Variants in CNTN5 observed in about 807,000 individuals in gnomAD.
CNTN5 encodes the protein contactin 5.
A neutral mutation model predicts 129.1 loss-of-function variants in CNTN5; 77 were observed. That is an observed-to-expected ratio of 0.60 (90% CI 0.50 to 0.72). The LOEUF is 0.72. Among genes scored for constraint, CNTN5 ranks in the 30% least tolerant of loss-of-function variants. The probability of loss-of-function intolerance (pLI) is 0.00; values close to 1 mark genes in which losing one functional copy is unlikely to be tolerated. For synonymous variants in CNTN5, 509 were observed against 465.6 expected (o/e 1.09, Z -1.20); for missense variants, 1,478 against 1,328.8 (o/e 1.11, Z -1.75).
intron 15 of CNTN5, among the ~76,000 whole-genome samples, chr11:100,214,415 C>T (rs1209753952): frequency 6.6e-6 from 1 of 152,120 alleles, no homozygotes; most frequent in African/African-American, 2.4e-5. Context: ...TCTGTCTTTA[C>T]AACTCATCTC....
intron 1 of CNTN5, among the ~76,000 whole-genome samples, chr11:99,201,351 T>TTCC (rs59358470): frequency 0.048 from 4,247 of 87,848 alleles, 206 homozygotes; most frequent in Middle Eastern, 0.066. Flanking sequence ...CTTCCTTTCC[T>TTCC]TTCCTTCCTT....
chr11:99,197,898 A>C (rs1290869319), intron 1 of CNTN5, among the ~76,000 whole-genome samples: 1 of 152,160 alleles, frequency 6.6e-6, no homozygotes, highest in Non-Finnish European at 1.5e-5. Flanking sequence ...TTCAGAAATA[A>C]ATGACATAAT....
At chr11:99,549,402 G>A (rs1263433396) in intron 2 of CNTN5, among the ~76,000 whole-genome samples, 1 of 151,984 alleles carries the variant, frequency 6.6e-6, no homozygotes, top group Non-Finnish European at 1.5e-5. Flanking sequence ...CCAGCTGTGT[G>A]GGCCCTAGGC....
intron 8 of CNTN5, among the ~76,000 whole-genome samples, chr11:99,979,485 CA>C (rs2137348849): frequency 1.3e-5 from 2 of 152,186 alleles, no homozygotes; most frequent in East Asian, 3.9e-4. Flanking sequence ...AGAACATCCC[CA>C]AACCAAAAAA....
At chr11:99,786,203 C>T (rs905736408) in intron 3 of CNTN5, among the ~76,000 whole-genome samples, 1 of 152,062 alleles carries the variant, frequency 6.6e-6, no homozygotes, top group African/African-American at 2.4e-5. Flanking sequence ...AATTCCTATA[C>T]ACCAATAATA....
intron 6 of CNTN5, among the ~76,000 whole-genome samples, chr11:99,900,592 T>G (rs1949330602): frequency 6.6e-6 from 1 of 152,158 alleles, no homozygotes; most frequent in Non-Finnish European, 1.5e-5. Flanking sequence ...AACATGATCT[T>G]TTTTGTTTTC....
At chr11:99,190,715 A>G (rs1018731829) in intron 1 of CNTN5, among the ~76,000 whole-genome samples, 3 of 151,608 alleles carry the variant, frequency 2.0e-5, no homozygotes, top group Non-Finnish European at 4.4e-5. Flanking sequence ...TAGAAATGAT[A>G]CTGATTTTTA....
intron 9 of CNTN5, among the ~76,000 whole-genome samples, chr11:100,014,695 T>C (rs1644272784): frequency 6.6e-6 from 1 of 152,226 alleles, no homozygotes; most frequent in Non-Finnish European, 1.5e-5. Context: ...ATTCACTTTA[T>C]CTGTTTGGTT....
At position 99,150,401 on chromosome 11, in the gene CNTN5, G is replaced by A. The variant is rs1022083106; in HGVS notation, c.-210+129131G>A. ...ATCTTTGTTGAAGATTCTCATAGAA[G>A]TAAAATATATCACAAATGTTGACAA... is the stretch of plus-strand genomic sequence containing the variant. On this transcript the variant is annotated intron_variant, in intron 1 of 24. Transcript: ENST00000524871. Among the ~76,000 whole-genome samples the A allele has an allele frequency of 5.3e-5, 8 of 152,020 alleles. No individual in the cohort carries two copies. In the East Asian group the frequency reaches 1.5e-3, roughly 29 times the overall value.
intron 2 of CNTN5, among the ~76,000 whole-genome samples, chr11:99,382,253 C>T (rs1353522668): frequency 1.3e-5 from 2 of 152,074 alleles, no homozygotes; most frequent in Non-Finnish European, 2.9e-5. Context: ...TAGATACAAA[C>T]ACTGAGAGGA....
At chr11:99,278,533 G>C (rs1229816433) in intron 1 of CNTN5, among the ~76,000 whole-genome samples, 1 of 151,656 alleles carries the variant, frequency 6.6e-6, no homozygotes, top group Non-Finnish European at 1.5e-5. Flanking sequence ...TGCTGATTAT[G>C]ATGATGATAG....
chr11:99,197,429 A>C (rs949527497), intron 1 of CNTN5, among the ~76,000 whole-genome samples: 9 of 152,050 alleles, frequency 5.9e-5, no homozygotes, highest in African/African-American at 1.9e-4. Context: ...TAATTCTCCA[A>C]AGTAAGTTAA....
chr11:99,268,777 T>C (rs561582780), intron 1 of CNTN5, among the ~76,000 whole-genome samples: 1 of 152,148 alleles, frequency 6.6e-6, no homozygotes, highest in East Asian at 1.9e-4. Context: ...ACATAATTCC[T>C]TTTAGAGCAT....
At chr11:99,884,533 T>C (rs1214858293) in intron 6 of CNTN5, among the ~76,000 whole-genome samples, 1 of 152,154 alleles carries the variant, frequency 6.6e-6, no homozygotes, top group African/African-American at 2.4e-5. Context: ...TATTTAAAGA[T>C]GCAGTGGCTG....
chr11:99,662,996 A>G (rs918248454), intron 3 of CNTN5, among the ~76,000 whole-genome samples: 21 of 152,192 alleles, frequency 1.4e-4, no homozygotes, highest in Admixed American at 1.4e-3. Context: ...ATTTTATAAA[A>G]CAAAACACCA....
In CNTN5 at chr11:100,308,687, A is replaced by T. The variant is rs1316679888; in HGVS notation, c.2730+219A>T. 5 of 1,140,486 alleles carry T rather than the reference A, an allele frequency of 4.4e-6. No homozygotes were observed. The African/African-American group carries it at 4.8e-5, about 11-fold the overall frequency. The allele number at this position is 1,140,486 out of a possible 1,614,324, so 70.6% of individuals were successfully genotyped here. A position where few individuals can be genotyped will look rare whatever the true frequency, so the allele number is the denominator to read the frequency against. On this transcript the variant is annotated intron_variant, in intron 21 of 24. Transcript: ENST00000524871. Reference sequence around the variant, plus strand: ...GTAGCTTCCGTAGCACTATGCAAAGATGTTTTTAAAAGATGAAATAGAGTT... The same window carrying T: ...GTAGCTTCCGTAGCACTATGCAAAGTTGTTTTTAAAAGATGAAATAGAGTT...
chr11:99,440,771 G>A (rs1208337597), intron 2 of CNTN5, among the ~76,000 whole-genome samples: 1 of 152,076 alleles, frequency 6.6e-6, no homozygotes, highest in Non-Finnish European at 1.5e-5. Context: ...GTTTTGAAGT[G>A]CATAGATATG....
chr11:99,290,713 C>T (rs903957971), intron 1 of CNTN5, among the ~76,000 whole-genome samples: 6 of 151,748 alleles, frequency 4.0e-5, no homozygotes, highest in Non-Finnish European at 8.9e-5. Context: ...AAAGGTACAT[C>T]ATCAGTAAGC....
At chr11:99,763,656 C>T (rs1443890741) in intron 3 of CNTN5, among the ~76,000 whole-genome samples, 5 of 151,958 alleles carry the variant, frequency 3.3e-5, no homozygotes, top group African/African-American at 9.7e-5. Context: ...AGTTCTAATA[C>T]AATTTTACAT....
Sources: allele counts gnomAD v4.1 joint callset (sites outside exome capture counted in the v4.1 genomes callset), GRCh38; gene constraint gnomAD v4.1.1; transcripts MANE v1.5; gene names NCBI Gene and HGNC (gene_info 2026-07-23, HGNC 2026-07-21).